The following PPP4R3A variants were observed in gnomAD, a reference collection of about 807,000 sequenced individuals.
The protein encoded by PPP4R3A is protein phosphatase 4 regulatory subunit 3A, also known as serine/threonine-protein phosphatase 4 regulatory subunit 3A.
Under a neutral mutation model 91.7 loss-of-function variants are expected in PPP4R3A, and 15 were observed. The observed-to-expected ratio is 0.16, with a 90% CI of 0.11 to 0.25. PPP4R3A has a LOEUF of 0.25. Ranked by LOEUF, PPP4R3A falls within the 10% of genes least tolerant of loss-of-function variation. PPP4R3A has a pLI of 1.00. For missense variants in PPP4R3A, 623 were observed against 998.4 expected, an observed-to-expected ratio of 0.62 and a Z score of 5.07; for synonymous variants, 377 against 348.7, an observed-to-expected ratio of 1.08 and a Z score of -0.91.
rs1190743111 is a variant in PPP4R3A at position 91,510,038 on chromosome 14, G to A, written c.-391C>T. ...TCCCGCGCCGCCGCCGCCTCCTCAG[G>A]CCGCCGCCGCCGCCGCCATATTTTC... is the stretch of plus-strand genomic sequence containing the variant. On this transcript the variant is annotated 5_prime_UTR_variant, in exon 1 of 15. Transcript: ENST00000554943. The A allele has an allele frequency of 1.5e-6, 1 of 645,640 alleles. No homozygotes were observed. Among genetic ancestry groups the A allele is most frequent in the South Asian group, 6.4e-5 (1 of 15,646 alleles). The allele number at this position is 645,640 out of a possible 1,614,324, so 40.0% of individuals were successfully genotyped here.
Position 91,457,828 on chromosome 14 carries a change from A to G in PPP4R3A, c.*931T>C, listed in dbSNP as rs1002828816. The stretch of plus-strand genomic sequence containing the variant: ...ATTCTCAAGACAGTTGCTGATGTAA[A>G]TTTTAATATAAAATATTTAGTCACA... On this transcript the variant is annotated 3_prime_UTR_variant, in exon 15 of 15. Coordinates refer to ENST00000554943, the MANE Select transcript of PPP4R3A (RefSeq NM_001366432.2). 6.6e-6 allele frequency: 1 copy of G among 152,612 alleles called. No individual in the cohort carries two copies. The highest frequency in any genetic ancestry group is 2.4e-5 in the African/African-American group (1 of 41,450). The allele number at this position is 152,612 out of a possible 1,614,324, so 9.5% of individuals were successfully genotyped here.
rs550577227 is a variant in PPP4R3A, at chr14:91,503,900, G to A, written c.142+5606C>T. Among the ~76,000 whole-genome samples, 18 of 152,122 alleles carry A rather than the reference G, an allele frequency of 1.2e-4. No homozygotes were observed. The South Asian group carries it at 1.2e-3, about 11-fold the overall frequency. On this transcript the variant is annotated intron_variant, in intron 1 of 14. Coordinates refer to ENST00000554943, the MANE Select transcript of PPP4R3A (RefSeq NM_001366432.2). ...GGAAGATGGAACTTTGCAGGTATAC[G>A]GCTATCATAAAAACTGAGAGAAATA...
chr14:91,509,501 C>T lies in PPP4R3A; in HGVS notation c.142+5G>A. 6.3e-7 allele frequency: 1 copy of T among 1,585,288 alleles called. No individual in the cohort carries two copies. The highest frequency in any genetic ancestry group is 8.5e-7 in the Non-Finnish European group (1 of 1,171,720). On this transcript the variant is annotated splice_donor_5th_base_variant and intron_variant, in intron 1 of 14. Coordinates refer to ENST00000554943, the MANE Select transcript of PPP4R3A (RefSeq NM_001366432.2). ...GAGGGTCCCGCCGCGCGGGGCTTCA[C>T]TTACCGTCGCTCTCAGCCCTGACAA...
chr14:91,493,773 CTTTTT>C (rs71120151), intron 1 of PPP4R3A, among the ~76,000 whole-genome samples: 2 of 119,840 alleles, frequency 1.7e-5, no homozygotes, highest in Non-Finnish European at 3.5e-5. Context: ...ATCAATATTA[CTTTTT>C]TTTTTTTTTT....
intron 2 of PPP4R3A, among the ~76,000 whole-genome samples, chr14:91,488,713 C>T (rs559276070): frequency 6.6e-6 from 1 of 152,088 alleles, no homozygotes; most frequent in Admixed American, 6.5e-5. Context: ...ATGTTATTTT[C>T]CCTCAAAATA....
intron 3 of PPP4R3A, among the ~76,000 whole-genome samples, chr14:91,484,673 C>T (rs758810990): frequency 3.9e-5 from 6 of 152,014 alleles, no homozygotes; most frequent in East Asian, 1.9e-4. Flanking sequence ...GGTCTGGGGT[C>T]GGCGGGAGGG....
At chr14:91,466,277 G>A (rs1595051981) in intron 10 of PPP4R3A, 4 of 985,764 alleles carry the variant, frequency 4.1e-6, no homozygotes, top group African/African-American at 1.7e-5. Flanking sequence ...CAGTCACATC[G>A]TCTTCGGTTG....
chr14:91,507,452 T>A (rs188868689), intron 1 of PPP4R3A, among the ~76,000 whole-genome samples: 20,195 of 73,854 alleles, frequency 0.27, 4,388 homozygotes, highest in Non-Finnish European at 0.31. Context: ...TACTATATAG[T>A]ATATATACTA....
chr14:91,469,715 TGCACCAC>T, intron 10 of PPP4R3A, among the ~76,000 whole-genome samples: 1 of 152,144 alleles, frequency 6.6e-6, no homozygotes. Flanking sequence ...ACTATAGGCG[TGCACCAC>T]CACACCCAGC....
rs1595046321 is a variant in PPP4R3A, at chr14:91,461,303, A to G, written c.2391+78T>C. 9 of 1,354,718 alleles carry G rather than the reference A, an allele frequency of 6.6e-6. No homozygotes were observed. In the East Asian group the frequency reaches 2.1e-4, roughly 31 times the overall value. The allele number at this position is 1,354,718 out of a possible 1,614,324, so 83.9% of individuals were successfully genotyped here. A position where few individuals can be genotyped will look rare whatever the true frequency, so the allele number is the denominator to read the frequency against. ...ATCAGTTCTAGGTGGCAGTAACCAA[A>G]GGGAATCTTAGTCAAAATTATTGTT... On this transcript the variant is annotated intron_variant, in intron 14 of 14. Coordinates refer to ENST00000554943, the MANE Select transcript of PPP4R3A (RefSeq NM_001366432.2).
At chr14:91,507,435 T>G (rs1394667281) in intron 1 of PPP4R3A, among the ~76,000 whole-genome samples, 13 of 124,728 alleles carry the variant, frequency 1.0e-4, no homozygotes, top group Non-Finnish European at 1.7e-4. Context: ...TATACTATAA[T>G]TATATATACT....
In PPP4R3A at chr14:91,481,799, G is replaced by A. The variant is rs776823120; in HGVS notation, c.692C>T (p.Ser231Leu). 2.5e-6 allele frequency: 4 copies of A among 1,614,038 alleles called. No homozygotes were observed. Among genetic ancestry groups the A allele is most frequent in the Non-Finnish European group, 2.5e-6 (3 of 1,180,010 alleles). The change falls in exon 4 of 15, where the codon TCA becomes TTA. Residue 231 changes from serine (S) to leucine (L), a missense_variant. Physicochemically the swap from Ser to Leu is moderately radical, Grantham distance 145. Around this residue, in one of 5 missense-constraint regions of PPP4R3A, gnomAD observed 264 missense variants for 377.3 expected, o/e 0.70. Coordinates refer to ENST00000554943, the MANE Select transcript of PPP4R3A (RefSeq NM_001366432.2). ...IGCLEYDPAL[S>L]QPRKHREFLT... ...AAATTCCCTGTGTTTTCGTGGTTGT[G>A]ATAAAGCAGGATCATATTCTAAACA...
chr14:91,496,895 C>A (rs1890605902), intron 1 of PPP4R3A, among the ~76,000 whole-genome samples: 1 of 152,060 alleles, frequency 6.6e-6, no homozygotes, highest in African/African-American at 2.4e-5. Flanking sequence ...TTTATTGAGC[C>A]AAGTTATAAA....
intron 6 of PPP4R3A, among the ~76,000 whole-genome samples, chr14:91,476,193 C>T (rs1889195384): frequency 6.6e-6 from 1 of 152,210 alleles, no homozygotes; most frequent in Admixed American, 6.5e-5. Context: ...GCAAAGCTGA[C>T]AAACTATCAT....
In PPP4R3A at chr14:91,505,283, T is replaced by C. The variant is rs967860839; in HGVS notation, c.142+4223A>G. On this transcript the variant is annotated intron_variant, in intron 1 of 14. Transcript: ENST00000554943. ...GCCTGGCCAACATGGTGAAACCGTGTCCCTACTAAAAACACAAAAATTAGC... is the reference window on the plus strand; with the variant it reads ...GCCTGGCCAACATGGTGAAACCGTGCCCCTACTAAAAACACAAAAATTAGC... Among the ~76,000 whole-genome samples the C allele has an allele frequency of 9.9e-5, 15 of 152,034 alleles. No homozygotes were observed. In the South Asian group the frequency reaches 3.1e-3, roughly 32 times the overall value.
At chr14:91,488,160 G>T (rs1369655999) in intron 2 of PPP4R3A, among the ~76,000 whole-genome samples, 1 of 150,926 alleles carries the variant, frequency 6.6e-6, no homozygotes, top group African/African-American at 2.4e-5. Context: ...GTGAATAATA[G>T]CCACTGTACT....
intron 1 of PPP4R3A, among the ~76,000 whole-genome samples, chr14:91,499,839 A>G: frequency 7.6e-6 from 1 of 131,208 alleles, no homozygotes; most frequent in South Asian, 2.4e-4. Flanking sequence ...AAAAAAAAAA[A>G]AAGTTCCCTC....
At chr14:91,461,258 C>T (rs1844138616) in intron 14 of PPP4R3A, 123 bp downstream of exon 14, 2 of 870,934 alleles carry the variant, frequency 2.3e-6, no homozygotes, top group Non-Finnish European at 3.6e-6. Context: ...GGGACTCATC[C>T]TCTAGTTCAG....
intron 3 of PPP4R3A, among the ~76,000 whole-genome samples, chr14:91,485,016 G>A (rs1236474843): frequency 6.6e-6 from 1 of 152,180 alleles, no homozygotes; most frequent in East Asian, 1.9e-4. Context: ...CTCAAGACAA[G>A]TACAAGGGTG....
Sources: allele counts gnomAD v4.1 joint callset (sites outside exome capture counted in the v4.1 genomes callset), GRCh38; gene constraint gnomAD v4.1.1; regional missense constraint gnomAD v4.1.1; transcripts MANE v1.5; gene names NCBI Gene and HGNC (gene_info 2026-07-23, HGNC 2026-07-21).